FHL2: variants seen among roughly 807,000 people sequenced by gnomAD.
FHL2 encodes the protein four and a half LIM domains protein 2.
A neutral mutation model predicts 32.7 loss-of-function variants in FHL2; 20 were observed. That is an observed-to-expected ratio of 0.61 (90% confidence interval 0.43 to 0.89). FHL2 has a LOEUF of 0.89. FHL2 is among the 40% of genes least tolerant of loss of function. The pLI, the probability that FHL2 is intolerant of heterozygous loss-of-function variation, is 0.00. For synonymous variants in FHL2, 123 were observed against 128.1 expected (o/e 0.96, Z 0.27); for missense variants, 311 against 358.6 (o/e 0.87, Z 1.07).
chr2:105,367,463 A>C, intron 5 of FHL2, 107 bp downstream of exon 5: 1 of 1,174,596 alleles, frequency 8.5e-7, no homozygotes, highest in African/African-American at 1.5e-5. Context: ...CTCCCACGCC[A>C]CTTAAGTATC....
At chr2:105,364,701 C>A (rs1680510008) in intron 5 of FHL2, among the ~76,000 whole-genome samples, 1 of 152,060 alleles carries the variant, frequency 6.6e-6, no homozygotes, top group African/African-American at 2.4e-5. Flanking sequence ...CACTTTTTTG[C>A]TTTTTATTTT....
intron 1 of FHL2, among the ~76,000 whole-genome samples, chr2:105,410,328 A>C (rs1233450366): frequency 6.6e-6 from 1 of 152,200 alleles, no homozygotes; most frequent in African/African-American, 2.4e-5. Flanking sequence ...GCTTTCCCCA[A>C]GCAGATAACC....
At chr2:105,387,815 T>C (rs1027180769) in intron 2 of FHL2, among the ~76,000 whole-genome samples, 1 of 152,216 alleles carries the variant, frequency 6.6e-6, no homozygotes, top group Admixed American at 6.5e-5. Context: ...TGAATGTTCA[T>C]TGCAGCACTC....
chr2:105,406,725 C>A (rs1683641327), intron 1 of FHL2, among the ~76,000 whole-genome samples: 1 of 152,192 alleles, frequency 6.6e-6, no homozygotes, highest in African/African-American at 2.4e-5. Flanking sequence ...GTCAGGAAAG[C>A]AGACACTGCA....
intron 4 of FHL2, among the ~76,000 whole-genome samples, chr2:105,370,622 G>T (rs1272037050): frequency 6.6e-6 from 1 of 152,152 alleles, no homozygotes; most frequent in Non-Finnish European, 1.5e-5. Flanking sequence ...TCCTCTAAAT[G>T]TAAATTCACC....
intron 3 of FHL2, 146 bp downstream of exon 3, chr2:105,386,215 C>T (rs907096234): frequency 2.9e-5 from 24 of 827,936 alleles, no homozygotes; most frequent in Admixed American, 5.6e-5. Flanking sequence ...AAGAAGCTTC[C>T]GAAAGGCTAC....
chr2:105,399,110 G>A, upstream of FHL2: 1 of 1,437,344 alleles, frequency 7.0e-7, no homozygotes, highest in Non-Finnish European at 9.1e-7. Flanking sequence ...ACCATATAAG[G>A]AGATGCACGC....
chr2:105,372,720 C>G (rs951241714), intron 4 of FHL2, among the ~76,000 whole-genome samples: 1 of 151,958 alleles, frequency 6.6e-6, no homozygotes, highest in Non-Finnish European at 1.5e-5. Context: ...ACCTGGGAGG[C>G]AGAGGTTGCA....
chr2:105,384,444 G>C (rs1027347825), intron 3 of FHL2, among the ~76,000 whole-genome samples: 2 of 152,172 alleles, frequency 1.3e-5, no homozygotes, highest in Non-Finnish European at 2.9e-5. Flanking sequence ...ACGAGTGCGA[G>C]TGCAAGGGCT....
chr2:105,432,441 C>A (rs1355430669), intron 1 of FHL2, among the ~76,000 whole-genome samples: 4 of 152,152 alleles, frequency 2.6e-5, no homozygotes, highest in African/African-American at 9.7e-5. Flanking sequence ...GTTCTCTATT[C>A]AATGTAAATA....
chr2:105,366,268 CT>C (rs1224239102), intron 5 of FHL2, among the ~76,000 whole-genome samples: 1 of 151,954 alleles, frequency 6.6e-6, no homozygotes, highest in Non-Finnish European at 1.5e-5. Flanking sequence ...GGTAAGAATA[CT>C]CAGCACTTAG....
At chr2:105,408,594 G>A (rs1392100748) in intron 1 of FHL2, among the ~76,000 whole-genome samples, 1 of 152,170 alleles carries the variant, frequency 6.6e-6, no homozygotes, top group Non-Finnish European at 1.5e-5. Context: ...CTTACAACTG[G>A]CACGTGGATG....
intron 3 of FHL2, chr2:105,377,853 T>C: frequency 2.8e-6 from 1 of 355,212 alleles, no homozygotes. Context: ...ATCCTTGGCC[T>C]CTCTCTGGGA....
chr2:105,437,797 G>A (rs971323225), intron 1 of FHL2, among the ~76,000 whole-genome samples: 5 of 152,148 alleles, frequency 3.3e-5, no homozygotes, highest in African/African-American at 1.2e-4. Context: ...GCCCTGCTCT[G>A]GAAATTGTAA....
At chr2:105,391,703 C>A (rs1682748384) in intron 2 of FHL2, among the ~76,000 whole-genome samples, 1 of 152,146 alleles carries the variant, frequency 6.6e-6, no homozygotes, top group African/African-American at 2.4e-5. Flanking sequence ...GTATCAGAGC[C>A]CATTTCTGAA....
At chr2:105,378,102 G>C (rs1283048668) in intron 3 of FHL2, 1 of 459,780 alleles carries the variant, frequency 2.2e-6, no homozygotes, top group Admixed American at 2.4e-5. Context: ...ATGGAGGAAA[G>C]AGCACATCAG....
At chr2:105,411,087 C>A (rs1384808798) in intron 1 of FHL2, among the ~76,000 whole-genome samples, 3 of 152,172 alleles carry the variant, frequency 2.0e-5, no homozygotes, top group Admixed American at 1.3e-4. Context: ...TATGACCCAA[C>A]ATAAGAGAAG....
chr2:105,411,427 G>A (rs1253539117), intron 1 of FHL2, among the ~76,000 whole-genome samples: 1 of 150,790 alleles, frequency 6.6e-6, no homozygotes, highest in African/African-American at 2.4e-5. Context: ...TTCAAGCACA[G>A]CTTGATAAAC....
rs1226578455 is a variant in FHL2, at chr2:105,378,263, C to A, written c.157-4530G>T. The stretch of plus-strand genomic sequence containing the variant: ...ATTCATTGACACGTGACACTTGAAA[C>A]TGTCCCTCTAAATGTGGATATTATC... On this transcript the variant is annotated intron_variant, in intron 3 of 6. Coordinates refer to ENST00000530340, the MANE Select transcript of FHL2 (RefSeq NM_001318895.3). The A allele has an allele frequency of 6.6e-6, 3 of 455,882 alleles. No homozygotes were observed. In the Admixed American group the frequency reaches 7.2e-5, roughly 11 times the overall value. 28.2% of individuals were successfully genotyped at this position (455,882 alleles called of 1,614,324 possible). A position where few individuals can be genotyped will look rare whatever the true frequency, so the allele number is the denominator to read the frequency against.
Sources: gnomAD v4.1 joint callset for allele counts (sites outside exome capture counted in the v4.1 genomes callset) on GRCh38, gnomAD v4.1.1 for gene constraint, MANE v1.5 for transcripts, NCBI Gene and HGNC (gene_info 2026-07-23, HGNC 2026-07-21) for gene names.